LHFPL6: variants seen among roughly 807,000 people sequenced by gnomAD.
LHFPL6 encodes LHFPL tetraspan subfamily member 6, also known as LHFPL tetraspan subfamily member 6 protein.
LHFPL6 carries 9 observed loss-of-function variants against 20.6 expected under a neutral mutation model. The ratio of observed to expected loss-of-function variants is 0.44; its 90% confidence interval spans 0.26 to 0.76. The LOEUF (loss-of-function observed/expected upper bound fraction) is 0.76, where lower values mean the gene tolerates loss of function less well. Among genes scored for constraint, LHFPL6 ranks in the 30% least tolerant of loss-of-function variants. The pLI is 0.20. For synonymous variants in LHFPL6, 105 were observed against 98.7 expected, an observed-to-expected ratio of 1.06 and a Z score of -0.38; for missense variants, 218 against 253.5, an observed-to-expected ratio of 0.86 and a Z score of 0.95.
chr13:39,455,153 C>T (rs1872540386), intron 2 of LHFPL6, among the ~76,000 whole-genome samples: 1 of 151,984 alleles, frequency 6.6e-6, no homozygotes, highest in Admixed American at 6.6e-5. Flanking sequence ...TGTTTAGAAG[C>T]CCCCAACTCC....
In LHFPL6 at chr13:39,602,978, C is replaced by T; in HGVS notation, c.-270G>A. On this transcript the variant is annotated 5_prime_UTR_variant, in exon 1 of 4. Transcript: ENST00000379589. Reference sequence around the variant, plus strand: ...GCGGGAACATCCACGGGAAACCGGACCGTCCTGCCCTTCTTTGCCTCTGTC... The same window carrying T: ...GCGGGAACATCCACGGGAAACCGGATCGTCCTGCCCTTCTTTGCCTCTGTC... 1 of 152,326 alleles carries T rather than the reference C, an allele frequency of 6.6e-6. No individual in the cohort carries two copies. Among genetic ancestry groups the T allele is most frequent in the Non-Finnish European group, 1.5e-5 (1 of 68,058 alleles). The allele number at this position is 152,326 out of a possible 1,614,324, so 9.4% of individuals were successfully genotyped here.
intron 2 of LHFPL6, among the ~76,000 whole-genome samples, chr13:39,536,522 G>C (rs947559295): frequency 2.0e-5 from 3 of 152,118 alleles, no homozygotes; most frequent in African/African-American, 7.2e-5. Flanking sequence ...CGCAGCTCCT[G>C]CCCAGGGACT....
At chr13:39,458,023 A>G (rs1872610099) in intron 2 of LHFPL6, among the ~76,000 whole-genome samples, 1 of 152,168 alleles carries the variant, frequency 6.6e-6, no homozygotes, top group Admixed American at 6.5e-5. Context: ...AGCTTTTATT[A>G]TATTTTTGGG....
At chr13:39,587,224 C>T (rs1188331280) in intron 2 of LHFPL6, among the ~76,000 whole-genome samples, 2 of 152,080 alleles carry the variant, frequency 1.3e-5, no homozygotes, top group South Asian at 2.1e-4. Flanking sequence ...TCCATCTGTC[C>T]TCTCCACGTT....
chr13:39,496,348 G>A (rs947048657), intron 2 of LHFPL6, among the ~76,000 whole-genome samples: 4 of 152,100 alleles, frequency 2.6e-5, no homozygotes, highest in Admixed American at 6.6e-5. Context: ...CAACCCTCAT[G>A]ACTTAATCAG....
intron 2 of LHFPL6, among the ~76,000 whole-genome samples, chr13:39,464,997 A>G (rs1872769092): frequency 6.6e-6 from 1 of 152,208 alleles, no homozygotes; most frequent in Admixed American, 6.5e-5. Context: ...AAGAACAAAG[A>G]GCCAGTAATC....
At chr13:39,488,468 C>T (rs1868798122) in intron 2 of LHFPL6, among the ~76,000 whole-genome samples, 1 of 152,100 alleles carries the variant, frequency 6.6e-6, no homozygotes, top group African/African-American at 2.4e-5. Flanking sequence ...GCAGTCTGTT[C>T]CTTTTCCATT....
intron 3 of LHFPL6, 97 bp downstream of exon 3, chr13:39,378,331 G>C (rs1040250306): frequency 1.2e-6 from 1 of 863,126 alleles, no homozygotes; most frequent in Admixed American, 2.0e-5. Context: ...TACCCAGGGA[G>C]GTTTTTCTTA....
At chr13:39,493,977 A>T (rs1414863550) in intron 2 of LHFPL6, among the ~76,000 whole-genome samples, 1 of 152,228 alleles carries the variant, frequency 6.6e-6, no homozygotes, top group African/African-American at 2.4e-5. Context: ...TAGAAGGTGC[A>T]AGGTGACCTA....
intron 2 of LHFPL6, among the ~76,000 whole-genome samples, chr13:39,501,234 TC>T (rs1419480049): frequency 1.3e-5 from 2 of 152,200 alleles, no homozygotes; most frequent in African/African-American, 4.8e-5. Flanking sequence ...GCCTTTTGAT[TC>T]CCAGTCCAGG....
chr13:39,430,162 T>G (rs769134668), intron 2 of LHFPL6, among the ~76,000 whole-genome samples: 1 of 152,186 alleles, frequency 6.6e-6, no homozygotes, highest in Non-Finnish European at 1.5e-5. Flanking sequence ...ATGCCTGCCC[T>G]TTAGGACTGA....
At chr13:39,396,263 A>G (rs1870839752) in intron 2 of LHFPL6, among the ~76,000 whole-genome samples, 1 of 152,012 alleles carries the variant, frequency 6.6e-6, no homozygotes, top group African/African-American at 2.4e-5. Flanking sequence ...GCTGCACCTG[A>G]TATTGTATAT....
intron 3 of LHFPL6, among the ~76,000 whole-genome samples, chr13:39,352,911 G>GTGTA (rs1869618072): frequency 1.9e-5 from 1 of 51,746 alleles, no homozygotes; most frequent in Non-Finnish European, 3.8e-5. Flanking sequence ...ATATATAAAT[G>GTGTA]TATATATATA....
chr13:39,442,068 A>T lies in LHFPL6; in HGVS notation c.386-63542T>A, dbSNP rs370894972. ...GGTCTCAAACTCCTGACCTCAAGTG[A>T]TCCACCTGCCTCAGCCTCCCATAGT... On this transcript the variant is annotated intron_variant, in intron 2 of 3. Transcript: ENST00000379589. Among the ~76,000 whole-genome samples the T allele has an allele frequency of 7.2e-5, 11 of 152,036 alleles. No individual in the cohort carries two copies. In the East Asian group the frequency reaches 1.9e-3, roughly 27 times the overall value.
At chr13:39,503,433 C>G (rs969063136) in intron 2 of LHFPL6, among the ~76,000 whole-genome samples, 4 of 152,182 alleles carry the variant, frequency 2.6e-5, no homozygotes, top group Non-Finnish European at 1.5e-5. Context: ...ACCATCCCCC[C>G]CACATACTAC....
At chr13:39,574,132 C>T (rs1593369838) in intron 2 of LHFPL6, among the ~76,000 whole-genome samples, 1 of 152,196 alleles carries the variant, frequency 6.6e-6, no homozygotes, top group South Asian at 2.1e-4. Context: ...CTTCTCTAAA[C>T]CTCGGCTTTC....
chr13:39,391,937 A>G (rs916296379), intron 2 of LHFPL6, among the ~76,000 whole-genome samples: 2 of 152,196 alleles, frequency 1.3e-5, no homozygotes, highest in African/African-American at 4.8e-5. Flanking sequence ...TTCTTTCAAG[A>G]CAGCTATCAT....
Position 39,571,614 on chromosome 13 carries a change from G to A in LHFPL6, c.385+29218C>T, listed in dbSNP as rs140666097. Among the ~76,000 whole-genome samples the A allele has an allele frequency of 6.2e-4, 95 of 152,312 alleles. No homozygotes were observed. In the East Asian group the frequency reaches 0.011, roughly 18 times the overall value. On this transcript the variant is annotated intron_variant, in intron 2 of 3. Transcript: ENST00000379589. The stretch of plus-strand genomic sequence containing the variant: ...CTTCCTGGATGCCGGACAAGAGCTC[G>A]GGACCCACTGATTGCGGGTATCCAG...
chr13:39,353,866 G>C (rs1342343671), intron 3 of LHFPL6, among the ~76,000 whole-genome samples: 1 of 152,140 alleles, frequency 6.6e-6, no homozygotes. Flanking sequence ...ATGTGCCCTG[G>C]GGGTGAGGTG....
Sources: gnomAD v4.1 joint callset for allele counts (sites outside exome capture counted in the v4.1 genomes callset) on GRCh38, gnomAD v4.1.1 for gene constraint, MANE v1.5 for transcripts, NCBI Gene and HGNC (gene_info 2026-07-23, HGNC 2026-07-21) for gene names.